MAP1B: variants seen among roughly 807,000 people sequenced by gnomAD.
MAP1B encodes the protein microtubule-associated protein 1B.
Under a neutral mutation model 176.1 loss-of-function variants are expected in MAP1B, and 12 were observed. That is an observed-to-expected ratio of 0.07 (90% CI 0.04 to 0.11). The LOEUF (loss-of-function observed/expected upper bound fraction) is 0.11. MAP1B is among the 10% of genes least tolerant of loss of function. MAP1B has a pLI of 1.00. For synonymous variants in MAP1B, 1,044 were observed against 1,135.0 expected (o/e 0.92, Z 1.61); for missense variants, 2,523 against 2,990.5 (o/e 0.84, Z 3.65).
At position 72,200,180 on chromosome 5, in the gene MAP1B, G is replaced by A. The variant is rs780693044; in HGVS notation, c.6825G>A (p.Ala2275=). The A allele has an allele frequency of 4.3e-6, 7 of 1,614,076 alleles. No individual in the cohort carries two copies. The South Asian group carries it at 5.5e-5, about 13-fold the overall frequency. ...CCTTGGCAGCTTCACCAAAACCAGC[G>A]GGCTTGAAAGAATCCTCGGATAAAG... is the stretch of plus-strand genomic sequence containing the variant. ...SKPLAASPKP[A]GLKESSDKVS... The change falls in exon 5 of 7, where the codon GCG becomes GCA. Residue 2275 remains alanine, a synonymous_variant. Coordinates refer to ENST00000296755, the MANE Select transcript of MAP1B (RefSeq NM_005909.5).
chr5:72,171,411 G>T (rs1426463737), intron 2 of MAP1B, among the ~76,000 whole-genome samples: 1 of 152,006 alleles, frequency 6.6e-6, no homozygotes, highest in Non-Finnish European at 1.5e-5. Flanking sequence ...AACATAGTGA[G>T]ACCCCATCTC....
At chr5:72,181,931 G>A (rs1746776459) in intron 2 of MAP1B, among the ~76,000 whole-genome samples, 2 of 151,418 alleles carry the variant, frequency 1.3e-5, no homozygotes, top group African/African-American at 4.9e-5. Flanking sequence ...TCATTATGTT[G>A]GCCAGACTGG....
At chr5:72,189,117 A>C (rs1288759194) in intron 4 of MAP1B, among the ~76,000 whole-genome samples, 5 of 152,244 alleles carry the variant, frequency 3.3e-5, no homozygotes, top group African/African-American at 9.6e-5. Flanking sequence ...TGGGACAAAC[A>C]AAAATGATAC....
chr5:72,193,661 G>A (rs903864839), intron 4 of MAP1B, among the ~76,000 whole-genome samples: 5 of 152,114 alleles, frequency 3.3e-5, no homozygotes, highest in Non-Finnish European at 5.9e-5. Context: ...CAGTAGCAGC[G>A]GGGCTCAGGA....
At chr5:72,178,102 A>C (rs1746687431) in intron 2 of MAP1B, among the ~76,000 whole-genome samples, 1 of 152,210 alleles carries the variant, frequency 6.6e-6, no homozygotes. Context: ...TCCCGGGTTC[A>C]AGTGATCCTC....
In MAP1B at chr5:72,197,126, G is replaced by A. The variant is rs757277389; in HGVS notation, c.3771G>A (p.Pro1257=). ...SSEKVSPSKS[P]SLSPSPPSPL... is the part of the protein sequence containing the mutation. ...AAAAGGTCAGCCCATCGAAGAGCCC[G>A]TCCCTGAGTCCATCTCCACCATCAC... The change falls in exon 5 of 7, where the codon CCG becomes CCA. Residue 1257 remains proline (P), a synonymous_variant. Coordinates refer to ENST00000296755, the MANE Select transcript of MAP1B (RefSeq NM_005909.5). 7.5e-5 allele frequency: 121 copies of A among 1,614,176 alleles called. No individual in the cohort carries two copies. Among genetic ancestry groups the A allele is most frequent in the Non-Finnish European group, 8.5e-5 (100 of 1,180,024 alleles).
chr5:72,131,025 G>A (rs1210025919), intron 2 of MAP1B, among the ~76,000 whole-genome samples: 1 of 152,162 alleles, frequency 6.6e-6, no homozygotes, highest in Non-Finnish European at 1.5e-5. Context: ...ATGGGATCTG[G>A]TAATGTGTCA....
In MAP1B at chr5:72,107,654, G is replaced by A. The variant is rs1328451429; in HGVS notation, c.123G>A (p.Val41=). Residue 41 remains valine, a synonymous_variant, in exon 1 of 7, where the codon GTG becomes GTA. Coordinates refer to ENST00000296755, the MANE Select transcript of MAP1B (RefSeq NM_005909.5). The stretch of plus-strand genomic sequence containing the variant: ...TTGACAGCAAGTTCTACTTGCTGGT[G>A]GTCGTCGGCGAGATCGTGACCGAGG... ...RFLDSKFYLL[V]VVGEIVTEEH... 7 of 1,600,140 alleles carry A rather than the reference G, an allele frequency of 4.4e-6. No individual in the cohort carries two copies. The highest frequency in any genetic ancestry group is 5.9e-6 in the Non-Finnish European group (7 of 1,179,654).
In MAP1B at chr5:72,193,954, A is replaced by G. The variant is rs750853201; in HGVS notation, c.599A>G (p.Asn200Ser). The part of the protein sequence containing the change: ...CPEEGDWKNS[N>S]LDRHNLQDFI... ...GAAGAAGGGGACTGGAAGAACTCCA[A>G]TCTTGACAGACACAATCTCCAAGAC... Residue 200 changes from asparagine to serine, a missense_variant, in exon 5 of 7, where the codon AAT (asparagine) becomes AGT (serine). Physicochemically the swap from Asn to Ser is conservative, Grantham distance 46. This residue lies in a region of MAP1B where 307 missense variants were observed against 438.4 expected (regional missense o/e 0.70). Transcript: ENST00000296755. The G allele has an allele frequency of 1.9e-6, 3 of 1,614,198 alleles. No individual in the cohort carries two copies. Among genetic ancestry groups the G allele is most frequent in the Non-Finnish European group, 1.7e-6 (2 of 1,180,022 alleles).
At chr5:72,193,365 A>G (rs956546655) in intron 4 of MAP1B, 2 of 328,788 alleles carry the variant, frequency 6.1e-6, no homozygotes, top group East Asian at 1.7e-4. Flanking sequence ...TTTTTTGCCA[A>G]GTCTAGTGGA....
chr5:72,133,005 TA>T, intron 2 of MAP1B, among the ~76,000 whole-genome samples: 1 of 152,280 alleles, frequency 6.6e-6, no homozygotes, highest in South Asian at 2.1e-4. Context: ...CTGGCAATTT[TA>T]CCCGCTCATC....
At chr5:72,188,303 C>T (rs1283874732) in intron 4 of MAP1B, among the ~76,000 whole-genome samples, 1 of 152,190 alleles carries the variant, frequency 6.6e-6, no homozygotes, top group Non-Finnish European at 1.5e-5. Context: ...TGGGGTCACA[C>T]ACATTATTAG....
At chr5:72,130,179 A>G (rs1409801628) in intron 2 of MAP1B, among the ~76,000 whole-genome samples, 1 of 34,284 alleles carries the variant, frequency 2.9e-5, no homozygotes, top group Admixed American at 3.2e-4. Context: ...AAAAGAAGAA[A>G]AGTGGAAAAA....
intron 2 of MAP1B, among the ~76,000 whole-genome samples, chr5:72,122,938 T>C (rs1386762859): frequency 1.3e-5 from 2 of 152,146 alleles, no homozygotes; most frequent in Non-Finnish European, 2.9e-5. Flanking sequence ...TGATTTTTGT[T>C]AGTAGAGTTT....
intron 1 of MAP1B, among the ~76,000 whole-genome samples, chr5:72,112,342 A>G (rs1293533281): frequency 2.0e-5 from 3 of 152,204 alleles, no homozygotes; most frequent in Admixed American, 2.0e-4. Flanking sequence ...TAGCTTTTAA[A>G]TGGGAGGTGC....
At position 72,164,169 on chromosome 5, in the gene MAP1B, G is replaced by T. The variant is rs536501494; in HGVS notation, c.287-19574G>T. Among the ~76,000 whole-genome samples, 28 of 151,928 alleles carry T rather than the reference G, an allele frequency of 1.8e-4. No individual in the cohort carries two copies. In the East Asian group the frequency reaches 5.4e-3, roughly 29 times the overall value. On this transcript the variant is annotated intron_variant, in intron 2 of 6. Coordinates refer to ENST00000296755, the MANE Select transcript of MAP1B (RefSeq NM_005909.5). ...TGGTCTTGAGCTCCTGGGTTCAAGT[G>T]ATCCTCCTGTCTTGGCCTCTCAAAC...
At chr5:72,133,835 A>G (rs1369551526) in intron 2 of MAP1B, among the ~76,000 whole-genome samples, 1 of 152,218 alleles carries the variant, frequency 6.6e-6, no homozygotes, top group Non-Finnish European at 1.5e-5. Flanking sequence ...AGTCTACAGT[A>G]TTATTCAGCC....
chr5:72,171,536 G>T (rs1202300665), intron 2 of MAP1B, among the ~76,000 whole-genome samples: 1 of 152,136 alleles, frequency 6.6e-6, no homozygotes, highest in Non-Finnish European at 1.5e-5. Flanking sequence ...GCTGCAGGGG[G>T]CCATGTTCAT....
intron 2 of MAP1B, among the ~76,000 whole-genome samples, chr5:72,151,036 T>C (rs1746130134): frequency 7.7e-6 from 1 of 129,506 alleles, no homozygotes; most frequent in Non-Finnish European, 1.6e-5. Context: ...GGATTGTTTA[T>C]GTAAAAAAAG....
Sources: allele counts gnomAD v4.1 joint callset (sites outside exome capture counted in the v4.1 genomes callset), GRCh38; gene constraint gnomAD v4.1.1; regional missense constraint gnomAD v4.1.1; transcripts MANE v1.5; gene names NCBI Gene and HGNC (gene_info 2026-07-23, HGNC 2026-07-21).